The following DGKB variants were observed in gnomAD, a reference collection of about 807,000 sequenced individuals.
The protein encoded by DGKB is diacylglycerol kinase beta.
In DGKB, 67 loss-of-function variants were observed where a neutral mutation model predicts 114.3. The ratio of observed to expected loss-of-function variants is 0.59; its 90% CI spans 0.48 to 0.72. The LOEUF (loss-of-function observed/expected upper bound fraction) is 0.72. DGKB is among the 30% of genes least tolerant of loss of function. The pLI is 0.00. For synonymous variants in DGKB, 398 were observed against 323.1 expected (o/e 1.23, Z -2.49); for missense variants, 907 against 975.2 (o/e 0.93, Z 0.93).
Position 14,602,875 on chromosome 7 carries a change from G to GT in DGKB, c.1433+4558dup, listed in dbSNP as rs1168570328. On this transcript the variant is annotated intron_variant, in intron 17 of 25. Transcript: ENST00000402815. ...CAGAACATGTTTGTTTCTTTAGAGTGTTTCAGCAATTTTGATAGGCAATAA... is the reference window on the plus strand; with the variant it reads ...CAGAACATGTTTGTTTCTTTAGAGTGTTTTCAGCAATTTTGATAGGCAATAA... Among the ~76,000 whole-genome samples, 9 of 152,306 alleles carry GT rather than the reference G, an allele frequency of 5.9e-5. No homozygotes were observed. The East Asian group carries it at 1.7e-3, about 29-fold the overall frequency.
At chr7:14,324,869 A>G in intron 23 of DGKB, among the ~76,000 whole-genome samples, 1 of 152,168 alleles carries the variant, frequency 6.6e-6, no homozygotes, top group East Asian at 1.9e-4. Flanking sequence ...GAGTTGCTGC[A>G]GAAGCAGGAG....
intron 13 of DGKB, among the ~76,000 whole-genome samples, chr7:14,644,574 T>G: frequency 6.6e-6 from 1 of 152,044 alleles, no homozygotes; most frequent in East Asian, 1.9e-4. Flanking sequence ...AAAGTACAGT[T>G]GAGAGCTTCA....
chr7:14,184,901 A>T (rs111603279), intron 23 of DGKB, among the ~76,000 whole-genome samples: 1 of 152,168 alleles, frequency 6.6e-6, no homozygotes, highest in Non-Finnish European at 1.5e-5. Context: ...ATCTATTACA[A>T]ACTCACAGCC....
chr7:14,974,024 T>G (rs1016562050), intron 1 of DGKB, among the ~76,000 whole-genome samples: 6 of 151,794 alleles, frequency 4.0e-5, no homozygotes, highest in Admixed American at 3.3e-4. Flanking sequence ...GTTTCAGATT[T>G]GGCTCAGATC....
chr7:14,774,152 C>A (rs552579119), intron 2 of DGKB, among the ~76,000 whole-genome samples: 1 of 152,192 alleles, frequency 6.6e-6, no homozygotes, highest in East Asian at 1.9e-4. Flanking sequence ...GATTTTCAAG[C>A]CATAGAGAAA....
chr7:14,441,495 A>T (rs1041968063), intron 21 of DGKB, among the ~76,000 whole-genome samples: 24 of 152,130 alleles, frequency 1.6e-4, no homozygotes, highest in African/African-American at 5.8e-4. Context: ...AAGTCAAAAA[A>T]TTTTTTAACT....
chr7:14,458,494 G>A (rs1303244765), intron 21 of DGKB, among the ~76,000 whole-genome samples: 2 of 152,038 alleles, frequency 1.3e-5, no homozygotes, highest in Non-Finnish European at 2.9e-5. Context: ...TCCAACTGAG[G>A]CACCCAGCTC....
intron 13 of DGKB, among the ~76,000 whole-genome samples, chr7:14,652,824 C>G (rs1814866716): frequency 6.6e-6 from 1 of 152,014 alleles, no homozygotes; most frequent in Non-Finnish European, 1.5e-5. Context: ...ACAAACAACC[C>G]CATCAAAAAG....
intron 1 of DGKB, among the ~76,000 whole-genome samples, chr7:14,934,285 T>C (rs891467323): frequency 6.6e-6 from 1 of 152,138 alleles, no homozygotes; most frequent in African/African-American, 2.4e-5. Flanking sequence ...AGGAGAGAAA[T>C]ATCTCTTTTT....
chr7:14,668,736 T>C (rs1213390303), intron 13 of DGKB, among the ~76,000 whole-genome samples: 2 of 152,234 alleles, frequency 1.3e-5, no homozygotes, highest in Middle Eastern at 6.8e-3. Context: ...TCTATTACTG[T>C]ACCTCATATT....
At chr7:14,904,544 G>A (rs996835443), upstream of DGKB, among the ~76,000 whole-genome samples, 1 of 152,106 alleles carries the variant, frequency 6.6e-6, no homozygotes, top group Non-Finnish European at 1.5e-5. Flanking sequence ...ACTGCCTTTA[G>A]CTAAACAAAG....
At chr7:14,822,795 T>C (rs10241897) in intron 2 of DGKB, among the ~76,000 whole-genome samples, 1 of 151,940 alleles carries the variant, frequency 6.6e-6, no homozygotes, top group African/African-American at 2.4e-5. Context: ...CAGATCAAAG[T>C]GTTAGTTTCT....
intron 23 of DGKB, among the ~76,000 whole-genome samples, chr7:14,240,837 A>C (rs572363395): frequency 6.6e-6 from 1 of 152,238 alleles, no homozygotes; most frequent in Admixed American, 6.5e-5. Context: ...GTTGCTATTA[A>C]AATATATATA....
At position 14,418,890 on chromosome 7, in the gene DGKB, C is replaced by T. The variant is rs191267878; in HGVS notation, c.1835+59271G>A. Among the ~76,000 whole-genome samples, 620 of 151,982 alleles carry T rather than the reference C, an allele frequency of 4.1e-3. 3 individuals carry two copies. Among genetic ancestry groups the T allele is most frequent in the Non-Finnish European group, 4.2e-3 (286 of 67,864 alleles). ...ACAAAACTGTCACACAGAAGGCATT[C>T]AGTAAGGGTTAACTGAATCTGAAAT... is the stretch of plus-strand genomic sequence containing the variant. On this transcript the variant is annotated intron_variant, in intron 21 of 25. Transcript: ENST00000402815.
chr7:14,947,115 G>A (rs1297574480), intron 1 of DGKB, among the ~76,000 whole-genome samples: 2 of 151,384 alleles, frequency 1.3e-5, no homozygotes, highest in Non-Finnish European at 3.0e-5. Context: ...CAATATCAAG[G>A]ACATTTACTA....
At chr7:14,202,843 T>A (rs1247807126) in intron 23 of DGKB, among the ~76,000 whole-genome samples, 1 of 151,986 alleles carries the variant, frequency 6.6e-6, no homozygotes, top group African/African-American at 2.4e-5. Context: ...AAATGGTGAT[T>A]TATTTTTTTC....
intron 21 of DGKB, among the ~76,000 whole-genome samples, chr7:14,397,068 A>C (rs535975235): frequency 6.6e-6 from 1 of 152,274 alleles, no homozygotes; most frequent in South Asian, 2.1e-4. Context: ...AGAAATTTAC[A>C]TACAGAAGAA....
intron 20 of DGKB, among the ~76,000 whole-genome samples, chr7:14,488,847 AAAAAC>A (rs1784206806): frequency 2.0e-5 from 2 of 99,712 alleles, no homozygotes; most frequent in African/African-American, 9.0e-5. Context: ...AAAAACAAAA[AAAAAC>A]AAAAAAAACC....
intron 23 of DGKB, among the ~76,000 whole-genome samples, chr7:14,323,366 A>G (rs76118814): frequency 8.9e-4 from 135 of 152,264 alleles, no homozygotes; most frequent in African/African-American, 3.1e-3. Context: ...TTGACTATCA[A>G]AATTCATTGA....
Sources: allele counts gnomAD v4.1 joint callset (sites outside exome capture counted in the v4.1 genomes callset), GRCh38; gene constraint gnomAD v4.1.1; transcripts MANE v1.5; gene names NCBI Gene and HGNC (gene_info 2026-07-23, HGNC 2026-07-21).